SLC9A9: variants seen among roughly 807,000 people sequenced by gnomAD.
SLC9A9 encodes the protein solute carrier family 9 member A9, also known as sodium/hydrogen exchanger 9.
In SLC9A9, 62 loss-of-function variants were observed where a neutral mutation model predicts 77.8. The observed-to-expected ratio is 0.80, with a 90% CI of 0.65 to 0.98. The LOEUF is 0.98. SLC9A9 is among the 50% of genes least tolerant of loss of function. The pLI is 0.00. For missense variants in SLC9A9, 775 were observed against 774.9 expected (o/e 1.00, Z 0.00); for synonymous variants, 320 against 283.5 (o/e 1.13, Z -1.29).
At chr3:143,361,933 A>T (rs1268699000) in intron 14 of SLC9A9, among the ~76,000 whole-genome samples, 1 of 152,076 alleles carries the variant, frequency 6.6e-6, no homozygotes. Context: ...ACATCTTTTT[A>T]TCTCATTTCT....
At chr3:143,416,744 T>C (rs980525082) in intron 12 of SLC9A9, among the ~76,000 whole-genome samples, 1 of 152,252 alleles carries the variant, frequency 6.6e-6, no homozygotes. Context: ...ACAATATCTC[T>C]GAGGTATGCT....
chr3:143,280,704 C>A (rs1938191501), intron 14 of SLC9A9, among the ~76,000 whole-genome samples: 1 of 151,984 alleles, frequency 6.6e-6, no homozygotes, highest in African/African-American at 2.4e-5. Flanking sequence ...GCTCCCGCTG[C>A]CATGCCCAGC....
intron 9 of SLC9A9, among the ~76,000 whole-genome samples, chr3:143,544,946 TG>T (rs2036760604): frequency 6.6e-6 from 1 of 152,180 alleles, no homozygotes; most frequent in Non-Finnish European, 1.5e-5. Flanking sequence ...TGCTTTTTTT[TG>T]TTGCCTGTGT....
intron 6 of SLC9A9, among the ~76,000 whole-genome samples, chr3:143,609,777 G>A (rs552276113): frequency 1.1e-4 from 17 of 151,992 alleles, no homozygotes; most frequent in African/African-American, 4.1e-4. Context: ...TTTCCACATC[G>A]GCTCACATAG....
intron 5 of SLC9A9, among the ~76,000 whole-genome samples, chr3:143,684,163 C>T (rs1933189595): frequency 6.6e-6 from 1 of 152,038 alleles, no homozygotes; most frequent in South Asian, 2.1e-4. Flanking sequence ...TCAATGACTG[C>T]TCTATTTATT....
rs1397591306 is a variant in SLC9A9, at chr3:143,490,561, C to T, written c.1315+3092G>A. ...CAATGGGTATAGAGTTTCAGTTTTA[C>T]AAGACGAAAAGAATTATGGAAGTGG... On this transcript the variant is annotated intron_variant, in intron 11 of 15. Coordinates refer to ENST00000316549, the MANE Select transcript of SLC9A9 (RefSeq NM_173653.4). Among the ~76,000 whole-genome samples, 4 of 152,164 alleles carry T rather than the reference C, an allele frequency of 2.6e-5. No homozygotes were observed. The East Asian group carries it at 5.8e-4, about 22-fold the overall frequency.
intron 4 of SLC9A9, among the ~76,000 whole-genome samples, chr3:143,787,566 G>A (rs2008090765): frequency 6.6e-6 from 1 of 152,098 alleles, no homozygotes; most frequent in Non-Finnish European, 1.5e-5. Context: ...TGATATTACA[G>A]GACTTGATTT....
chr3:143,834,874 T>C (rs2009529981), intron 1 of SLC9A9, among the ~76,000 whole-genome samples: 1 of 152,126 alleles, frequency 6.6e-6, no homozygotes. Flanking sequence ...ACCTCTCAGA[T>C]AGATGAAAAT....
At chr3:143,420,428 TC>T (rs1267672567) in intron 12 of SLC9A9, among the ~76,000 whole-genome samples, 1 of 152,200 alleles carries the variant, frequency 6.6e-6, no homozygotes, top group Admixed American at 6.5e-5. Context: ...AGAGCAGTCA[TC>T]TACCATCCTA....
chr3:143,386,394 T>C (rs972909140), intron 12 of SLC9A9, among the ~76,000 whole-genome samples: 1 of 152,194 alleles, frequency 6.6e-6, no homozygotes, highest in Non-Finnish European at 1.5e-5. Context: ...AGAGAGTTGT[T>C]TGGAGCCAGA....
At chr3:143,630,109 GAAAA>G (rs894526956) in intron 6 of SLC9A9, among the ~76,000 whole-genome samples, 2 of 150,708 alleles carry the variant, frequency 1.3e-5, no homozygotes, top group African/African-American at 2.4e-5. Context: ...GGGAAAAAGA[GAAAA>G]AAAAACTGAC....
intron 11 of SLC9A9, among the ~76,000 whole-genome samples, chr3:143,467,751 GAGAGAGAC>G (rs2035309635): frequency 6.6e-6 from 1 of 151,664 alleles, no homozygotes; most frequent in South Asian, 2.1e-4. Context: ...GAGAGAGAGA[GAGAGAGAC>G]AGAAACATTT....
At chr3:143,753,116 C>T (rs1474692393) in intron 4 of SLC9A9, among the ~76,000 whole-genome samples, 1 of 152,192 alleles carries the variant, frequency 6.6e-6, no homozygotes, top group Non-Finnish European at 1.5e-5. Context: ...CTCCTCTCTC[C>T]CCACTCCCTT....
chr3:143,551,051 T>C (rs367852459), intron 9 of SLC9A9, among the ~76,000 whole-genome samples: 1 of 152,166 alleles, frequency 6.6e-6, no homozygotes, highest in East Asian at 1.9e-4. Context: ...CCTAACTCAA[T>C]ATGACCCGTG....
At chr3:143,722,583 C>T (rs1327511836) in intron 4 of SLC9A9, among the ~76,000 whole-genome samples, 2 of 151,042 alleles carry the variant, frequency 1.3e-5, no homozygotes, top group East Asian at 2.0e-4. Context: ...ACAAAAGCTG[C>T]GGAATTCACG....
At chr3:143,314,108 T>C (rs943031937) in intron 14 of SLC9A9, 6 of 152,266 alleles carry the variant, frequency 3.9e-5, no homozygotes, top group Non-Finnish European at 7.3e-5. Flanking sequence ...GTCTCCCCCA[T>C]TGGACTGTGG....
intron 9 of SLC9A9, chr3:143,504,386 G>A (rs1252024445): frequency 6.3e-6 from 1 of 158,838 alleles, no homozygotes; most frequent in African/African-American, 2.4e-5. Context: ...CAAGTACTTA[G>A]GAAATGTGTT....
chr3:143,441,841 TCCATCCATCCATCCATCCATC>T (rs2034744232), intron 12 of SLC9A9, among the ~76,000 whole-genome samples: 1 of 151,148 alleles, frequency 6.6e-6, no homozygotes, highest in Non-Finnish European at 1.5e-5. Flanking sequence ...CATTCATCCA[TCCATCCATCCATCCATCCATC>T]CATCCATCCA....
chr3:143,626,844 G>A (rs573962091), intron 6 of SLC9A9: 3 of 151,244 alleles, frequency 2.0e-5, no homozygotes, highest in Non-Finnish European at 4.4e-5. Context: ...CGGGCAGCAA[G>A]AGGGTTGAAT....
Sources: gnomAD v4.1 joint callset for allele counts (sites outside exome capture counted in the v4.1 genomes callset) on GRCh38, gnomAD v4.1.1 for gene constraint, MANE v1.5 for transcripts, NCBI Gene and HGNC (gene_info 2026-07-23, HGNC 2026-07-21) for gene names.